Variants in B3GALT1 observed in about 807,000 individuals in gnomAD.
B3GALT1 encodes the protein beta-1,3-galactosyltransferase 1.
In B3GALT1, 10 loss-of-function variants were observed where a neutral mutation model predicts 23.2. That is an observed-to-expected ratio of 0.43 (90% CI 0.27 to 0.73). The LOEUF (loss-of-function observed/expected upper bound fraction) is 0.73, where lower values mean the gene tolerates loss of function less well. B3GALT1 is among the 30% of genes least tolerant of loss of function. The pLI is 0.21. For synonymous variants in B3GALT1, 156 were observed against 141.5 expected (o/e 1.10, Z -0.73); for missense variants, 299 against 405.4 (o/e 0.74, Z 2.25).
intron 2 of B3GALT1, among the ~76,000 whole-genome samples, chr2:167,571,955 C>A (rs1291271677): frequency 6.6e-6 from 1 of 151,656 alleles, no homozygotes; most frequent in Non-Finnish European, 1.5e-5. Context: ...ACAACTTTTA[C>A]AATCAAACAA....
At chr2:167,797,072 C>T (rs1324084925) in intron 3 of B3GALT1, among the ~76,000 whole-genome samples, 1 of 152,110 alleles carries the variant, frequency 6.6e-6, no homozygotes, top group African/African-American at 2.4e-5. Context: ...CAGATCAACC[C>T]ATCACCTAGG....
intron 1 of B3GALT1, among the ~76,000 whole-genome samples, chr2:167,485,330 A>C (rs990296407): frequency 2.0e-5 from 3 of 152,196 alleles, no homozygotes; most frequent in African/African-American, 7.2e-5. Context: ...GACAAAACCA[A>C]GTGTGTCCTG....
intron 1 of B3GALT1, among the ~76,000 whole-genome samples, chr2:167,315,816 A>G (rs1313397897): frequency 2.6e-5 from 4 of 152,196 alleles, no homozygotes; most frequent in Non-Finnish European, 4.4e-5. Flanking sequence ...ATTTATTTTC[A>G]CACAGGTAGA....
rs1212610240 is a variant in B3GALT1 at position 167,676,550 on chromosome 2, CACACAT to C, written c.-352+29586_-352+29591del. 6.5e-4 allele frequency among the ~76,000 whole-genome samples: 90 copies of C among 137,680 alleles called. 1 individual carries two copies. The highest frequency in any genetic ancestry group is 2.9e-3 in the African/African-American group (85 of 29,436). The allele number at this position is 137,680 out of a possible 152,430, so 90.3% of individuals were successfully genotyped here. A position where few individuals can be genotyped will look rare whatever the true frequency, so the allele number is the denominator to read the frequency against. On this transcript the variant is annotated intron_variant, in intron 3 of 4. Transcript: ENST00000392690. ...ACACACACACACACACACACACACA[CACACAT>C]ATATATGTGTATGCATTTCTTTTGA...
At chr2:167,605,693 G>C (rs765669202) in intron 2 of B3GALT1, among the ~76,000 whole-genome samples, 2 of 152,234 alleles carry the variant, frequency 1.3e-5, no homozygotes, top group African/African-American at 2.4e-5. Context: ...GAGTTGGAAA[G>C]AATTTGCAGC....
Position 167,636,070 on chromosome 2 carries a change from G to A in B3GALT1, c.-409-10839G>A, listed in dbSNP as rs186440078. Among the ~76,000 whole-genome samples the A allele has an allele frequency of 1.1e-4, 16 of 151,868 alleles. No individual in the cohort carries two copies. The East Asian group carries it at 1.8e-3, about 17-fold the overall frequency. Reference sequence around the variant, plus strand: ...TAACCATCTGATCTTTGACAAACCCGACAAAAACCTACCTCATCTTTTCTA... The same window carrying A: ...TAACCATCTGATCTTTGACAAACCCAACAAAAACCTACCTCATCTTTTCTA... On this transcript the variant is annotated intron_variant, in intron 2 of 4. Transcript: ENST00000392690.
At chr2:167,671,093 G>A (rs1686317906) in intron 3 of B3GALT1, among the ~76,000 whole-genome samples, 1 of 152,026 alleles carries the variant, frequency 6.6e-6, no homozygotes, top group African/African-American at 2.4e-5. Flanking sequence ...GACCAAGAAG[G>A]TCATCATATA....
At chr2:167,801,792 G>A (rs192881153) in intron 3 of B3GALT1, among the ~76,000 whole-genome samples, 9 of 152,234 alleles carry the variant, frequency 5.9e-5, no homozygotes, top group Admixed American at 2.6e-4. Context: ...AACATTTGTG[G>A]GGAAAGAATT....
intron 1 of B3GALT1, among the ~76,000 whole-genome samples, chr2:167,399,068 T>C (rs983902057): frequency 6.6e-6 from 1 of 152,136 alleles, no homozygotes; most frequent in African/African-American, 2.4e-5. Context: ...GGCAGAAACA[T>C]TTTTACAGCC....
At chr2:167,443,795 C>T (rs1698935676) in intron 1 of B3GALT1, among the ~76,000 whole-genome samples, 3 of 152,166 alleles carry the variant, frequency 2.0e-5, no homozygotes, top group African/African-American at 7.2e-5. Flanking sequence ...TCTAAATATA[C>T]AATCATGTCA....
At chr2:167,750,927 A>G (rs1448839) in intron 3 of B3GALT1, among the ~76,000 whole-genome samples, 128,726 of 151,938 alleles carry the variant, frequency 0.85, 54,673 homozygotes, top group Admixed American at 0.89. Flanking sequence ...TAATGGGTGA[A>G]TGTAACATGG....
chr2:167,850,781 A>G (rs1689868136), intron 4 of B3GALT1, among the ~76,000 whole-genome samples: 1 of 152,098 alleles, frequency 6.6e-6, no homozygotes, highest in South Asian at 2.1e-4. Flanking sequence ...ATGTAAAGGC[A>G]TAAGAATGAT....
intron 1 of B3GALT1, among the ~76,000 whole-genome samples, chr2:167,432,802 C>T (rs1403893): frequency 0.95 from 144,516 of 152,252 alleles, 68,830 homozygotes; most frequent in Non-Finnish European, 0.99. Flanking sequence ...CAAAGCCAAA[C>T]TGAGCAGGAG....
At chr2:167,382,690 C>T (rs563771627) in intron 1 of B3GALT1, among the ~76,000 whole-genome samples, 50 of 152,236 alleles carry the variant, frequency 3.3e-4, no homozygotes, top group African/African-American at 1.2e-3. Flanking sequence ...GAAACCTAGC[C>T]AAGTTTTCTT....
chr2:167,312,863 A>T (rs1164834698), intron 1 of B3GALT1, among the ~76,000 whole-genome samples: 1 of 152,112 alleles, frequency 6.6e-6, no homozygotes, highest in East Asian at 1.9e-4. Context: ...AAGAAATGTC[A>T]TGGTACTGTT....
intron 2 of B3GALT1, among the ~76,000 whole-genome samples, chr2:167,572,149 T>C (rs1471345402): frequency 6.6e-6 from 1 of 151,760 alleles, no homozygotes; most frequent in Non-Finnish European, 1.5e-5. Context: ...AGAACAATAA[T>C]TAAAATGAAA....
intron 1 of B3GALT1, among the ~76,000 whole-genome samples, chr2:167,366,886 A>G (rs1697594801): frequency 6.6e-6 from 1 of 152,190 alleles, no homozygotes; most frequent in Admixed American, 6.5e-5. Flanking sequence ...TGGACTTCTG[A>G]CAGGGCAACT....
chr2:167,562,072 A>G (rs1363086775), intron 2 of B3GALT1, among the ~76,000 whole-genome samples: 1 of 152,220 alleles, frequency 6.6e-6, no homozygotes, highest in African/African-American at 2.4e-5. Flanking sequence ...ATACTGGCAA[A>G]CCAATTCCAG....
chr2:167,360,100 AT>A (rs1697476553), intron 1 of B3GALT1, among the ~76,000 whole-genome samples: 1 of 152,078 alleles, frequency 6.6e-6, no homozygotes, highest in Non-Finnish European at 1.5e-5. Flanking sequence ...ATTTTTAAAA[AT>A]TTTTCTCTTT....
Sources: gnomAD v4.1 joint callset for allele counts (sites outside exome capture counted in the v4.1 genomes callset) on GRCh38, gnomAD v4.1.1 for gene constraint, MANE v1.5 for transcripts, NCBI Gene and HGNC (gene_info 2026-07-23, HGNC 2026-07-21) for gene names.